Variants in ADAMTS12 observed in about 807,000 individuals in gnomAD.
ADAMTS12 encodes ADAM metallopeptidase with thrombospondin type 1 motif 12.
ADAMTS12 carries 118 observed loss-of-function variants against 167.8 expected under a neutral mutation model. The ratio of observed to expected loss-of-function variants is 0.70; its 90% CI spans 0.61 to 0.82. The LOEUF (loss-of-function observed/expected upper bound fraction) is 0.82, where lower values mean the gene tolerates loss of function less well. ADAMTS12 is among the 40% of genes least tolerant of loss of function. ADAMTS12 has a pLI of 0.00. For missense variants in ADAMTS12, 1,916 were observed against 1,998.8 expected (o/e 0.96, Z 0.79); for synonymous variants, 704 against 716.9 (o/e 0.98, Z 0.29).
intron 20 of ADAMTS12, among the ~76,000 whole-genome samples, chr5:33,553,845 C>G (rs1561121660): frequency 2.0e-5 from 3 of 152,180 alleles, no homozygotes; most frequent in Admixed American, 1.3e-4. Flanking sequence ...CAAACCTGCA[C>G]TTGTACCCTG....
At chr5:33,741,465 T>G (rs955155965) in intron 3 of ADAMTS12, among the ~76,000 whole-genome samples, 3 of 152,124 alleles carry the variant, frequency 2.0e-5, no homozygotes, top group Non-Finnish European at 4.4e-5. Context: ...TTTAATTAGG[T>G]CTTTAAGACC....
At chr5:33,570,754 T>C (rs1195504581) in intron 19 of ADAMTS12, among the ~76,000 whole-genome samples, 2 of 149,828 alleles carry the variant, frequency 1.3e-5, no homozygotes, top group Non-Finnish European at 3.0e-5. Context: ...CAATATTAAC[T>C]TTAAATGTAA....
intron 3 of ADAMTS12, among the ~76,000 whole-genome samples, chr5:33,725,224 C>T (rs1433653072): frequency 6.6e-6 from 1 of 152,198 alleles, no homozygotes; most frequent in African/African-American, 2.4e-5. Flanking sequence ...GCTGGGTGAT[C>T]TCTAAAGCCC....
chr5:33,669,967 C>T (rs1016731142), intron 5 of ADAMTS12, among the ~76,000 whole-genome samples: 13 of 151,794 alleles, frequency 8.6e-5, no homozygotes, highest in Admixed American at 7.9e-4. Flanking sequence ...ATAGACTTGG[C>T]ACTAATAACA....
At chr5:33,881,555 G>A (rs1426302433) in intron 1 of ADAMTS12, 75 bp from the exon 2 acceptor site, 1 of 1,494,568 alleles carries the variant, frequency 6.7e-7, no homozygotes, top group Non-Finnish European at 8.9e-7. Context: ...TTTGGAACTT[G>A]AATGCTAGCT....
chr5:33,575,924 T>A, intron 19 of ADAMTS12, 130 bp downstream of exon 19: 1 of 1,335,278 alleles, frequency 7.5e-7, no homozygotes. Context: ...AGGGCATGGG[T>A]CTGATTGCTT....
intron 2 of ADAMTS12, among the ~76,000 whole-genome samples, chr5:33,762,448 C>T (rs1394455165): frequency 3.3e-5 from 5 of 151,812 alleles, no homozygotes; most frequent in East Asian, 1.9e-4. Flanking sequence ...GCGGGGGTTG[C>T]AGTGAGCCGA....
chr5:33,572,671 C>T (rs1269001906), intron 19 of ADAMTS12, among the ~76,000 whole-genome samples: 2 of 141,590 alleles, frequency 1.4e-5, no homozygotes, highest in Non-Finnish European at 3.1e-5. Context: ...TGGAAGCATT[C>T]CCTTTGAAAA....
chr5:33,715,526 A>C (rs770640896), intron 3 of ADAMTS12, among the ~76,000 whole-genome samples: 9 of 152,090 alleles, frequency 5.9e-5, no homozygotes, highest in Non-Finnish European at 1.2e-4. Flanking sequence ...TGGCTAGGGG[A>C]ATCTCTGGAA....
intron 19 of ADAMTS12, among the ~76,000 whole-genome samples, chr5:33,574,786 T>C (rs1256506410): frequency 3.9e-5 from 6 of 152,264 alleles, no homozygotes; most frequent in Admixed American, 3.9e-4. Context: ...GAAAGTGGTT[T>C]GTAAATTACA....
In ADAMTS12 at chr5:33,810,671, C is replaced by T. The variant is rs192740741; in HGVS notation, c.490-59123G>A. Among the ~76,000 whole-genome samples, 50 of 152,224 alleles carry T rather than the reference C, an allele frequency of 3.3e-4. No individual in the cohort carries two copies. The East Asian group carries it at 8.3e-3, about 25-fold the overall frequency. The stretch of plus-strand genomic sequence containing the variant: ...GAGAGCCCTAAGAGTTCTGTGAGTA[C>T]CAGCAAAACAAGGGATATGACAGCA... On this transcript the variant is annotated intron_variant, in intron 2 of 23. Coordinates refer to ENST00000504830, the MANE Select transcript of ADAMTS12 (RefSeq NM_030955.4).
At chr5:33,664,453 G>T (rs756576312) in intron 5 of ADAMTS12, among the ~76,000 whole-genome samples, 26 of 152,098 alleles carry the variant, frequency 1.7e-4, no homozygotes, top group Non-Finnish European at 3.1e-4. Flanking sequence ...ATGCTGGATA[G>T]CAAGAAAACA....
At chr5:33,590,274 G>C (rs975339231) in intron 17 of ADAMTS12, among the ~76,000 whole-genome samples, 5 of 152,200 alleles carry the variant, frequency 3.3e-5, no homozygotes, top group African/African-American at 1.2e-4. Flanking sequence ...TCTTCTTGGA[G>C]TTTTCTCTAC....
chr5:33,548,653 T>G (rs1745099755), intron 21 of ADAMTS12, among the ~76,000 whole-genome samples: 3 of 151,960 alleles, frequency 2.0e-5, no homozygotes. Flanking sequence ...TGTTTTCATG[T>G]GCCAAAGTAA....
At chr5:33,795,812 C>T (rs1046449560) in intron 2 of ADAMTS12, among the ~76,000 whole-genome samples, 9 of 152,190 alleles carry the variant, frequency 5.9e-5, no homozygotes, top group East Asian at 3.9e-4. Context: ...TGCCTGAGGC[C>T]GATTACTTCA....
chr5:33,792,260 T>A (rs1338171032), intron 2 of ADAMTS12, among the ~76,000 whole-genome samples: 1 of 152,158 alleles, frequency 6.6e-6, no homozygotes, highest in African/African-American at 2.4e-5. Flanking sequence ...CATCCCAAAG[T>A]ACTGGGATCA....
At chr5:33,551,312 G>C (rs1040035931) in intron 20 of ADAMTS12, among the ~76,000 whole-genome samples, 4 of 152,152 alleles carry the variant, frequency 2.6e-5, no homozygotes, top group African/African-American at 7.2e-5. Flanking sequence ...ACAGATTGAT[G>C]CTCTGGTACT....
At chr5:33,535,855 G>C (rs541176279) in intron 22 of ADAMTS12, among the ~76,000 whole-genome samples, 1 of 152,190 alleles carries the variant, frequency 6.6e-6, no homozygotes, top group African/African-American at 2.4e-5. Flanking sequence ...ATGTGGAATG[G>C]GGGTAGGGAC....
intron 20 of ADAMTS12, among the ~76,000 whole-genome samples, chr5:33,551,239 A>T (rs1291167838): frequency 6.6e-6 from 1 of 152,126 alleles, no homozygotes; most frequent in Non-Finnish European, 1.5e-5. Flanking sequence ...AGATTTCACC[A>T]AGTCACCTGA....
Sources: gnomAD v4.1 joint callset for allele counts (sites outside exome capture counted in the v4.1 genomes callset) on GRCh38, gnomAD v4.1.1 for gene constraint, MANE v1.5 for transcripts, NCBI Gene and HGNC (gene_info 2026-07-23, HGNC 2026-07-21) for gene names.